KCNIP1: variants seen among roughly 807,000 people sequenced by gnomAD.
KCNIP1 encodes A-type potassium channel modulatory protein KCNIP1.
Under a neutral mutation model 33.0 loss-of-function variants are expected in KCNIP1, and 18 were observed. That is an observed-to-expected ratio of 0.55 (90% CI 0.38 to 0.81). The LOEUF is 0.81. Ranked by LOEUF, KCNIP1 falls within the 30% of genes least tolerant of loss-of-function variation. The pLI is 0.00. For synonymous variants in KCNIP1, 93 were observed against 98.3 expected (o/e 0.95, Z 0.32); for missense variants, 238 against 271.6 (o/e 0.88, Z 0.87).
At chr5:170,509,600 G>A (rs916349325) in intron 1 of KCNIP1, among the ~76,000 whole-genome samples, 1 of 152,198 alleles carries the variant, frequency 6.6e-6, no homozygotes, top group Non-Finnish European at 1.5e-5. Context: ...GTGAATGAAT[G>A]AAGCAACAAA....
At chr5:170,700,547 C>A (rs1349570560) in intron 1 of KCNIP1, among the ~76,000 whole-genome samples, 1 of 152,130 alleles carries the variant, frequency 6.6e-6, no homozygotes, top group Non-Finnish European at 1.5e-5. Context: ...CCATTCTAGG[C>A]AACAGAGTGA....
At chr5:170,714,339 G>A (rs1763568106) in intron 1 of KCNIP1, among the ~76,000 whole-genome samples, 1 of 152,172 alleles carries the variant, frequency 6.6e-6, no homozygotes, top group African/African-American at 2.4e-5. Flanking sequence ...ATGATGAAAG[G>A]GGCCTGGACT....
chr5:170,620,467 GC>G (rs922272690), intron 1 of KCNIP1, among the ~76,000 whole-genome samples: 1 of 152,162 alleles, frequency 6.6e-6, no homozygotes, highest in Non-Finnish European at 1.5e-5. Flanking sequence ...AAAAGTAAGG[GC>G]TGGGGCTGCT....
chr5:170,445,376 G>A (rs1479783136), intron 1 of KCNIP1, among the ~76,000 whole-genome samples: 2 of 152,252 alleles, frequency 1.3e-5, no homozygotes, highest in African/African-American at 4.8e-5. Flanking sequence ...TGGAAAAGCA[G>A]AGGGCAAGCC....
chr5:170,656,996 C>CT (rs397999901), intron 1 of KCNIP1, among the ~76,000 whole-genome samples: 38,732 of 108,520 alleles, frequency 0.36, 7,215 homozygotes, highest in East Asian at 0.51. Flanking sequence ...TTCTTTCTTT[C>CT]TTTTTTTTTT....
intron 1 of KCNIP1, among the ~76,000 whole-genome samples, chr5:170,533,292 G>A (rs999922869): frequency 2.6e-5 from 4 of 152,168 alleles, no homozygotes; most frequent in Non-Finnish European, 5.9e-5. Flanking sequence ...TATATTCCCC[G>A]CCTGGGCATA....
intron 1 of KCNIP1, among the ~76,000 whole-genome samples, chr5:170,696,016 C>CAAAAAAAAAAAAAAAA (rs34474795): frequency 1.5e-3 from 143 of 93,876 alleles, no homozygotes; most frequent in African/African-American, 3.9e-3. Context: ...GACTCTGTCT[C>CAAAAAAAAAAAAAAAA]AAAAAAAAAA....
At chr5:170,474,227 A>C (rs894347503) in intron 1 of KCNIP1, among the ~76,000 whole-genome samples, 1 of 152,140 alleles carries the variant, frequency 6.6e-6, no homozygotes, top group Admixed American at 6.5e-5. Flanking sequence ...ATAACGAGAC[A>C]ACCTTTACTT....
At chr5:170,464,497 C>A (rs1372211674) in intron 1 of KCNIP1, among the ~76,000 whole-genome samples, 1 of 152,176 alleles carries the variant, frequency 6.6e-6, no homozygotes, top group Non-Finnish European at 1.5e-5. Flanking sequence ...AATCTTACTT[C>A]AAAGCTATGG....
chr5:170,635,185 A>G (rs1760232795), intron 1 of KCNIP1, among the ~76,000 whole-genome samples: 1 of 152,042 alleles, frequency 6.6e-6, no homozygotes, highest in Non-Finnish European at 1.5e-5. Flanking sequence ...ACCCACCACC[A>G]CACCCAGCTA....
chr5:170,562,561 G>C (rs1757069509), intron 1 of KCNIP1, among the ~76,000 whole-genome samples: 1 of 152,158 alleles, frequency 6.6e-6, no homozygotes, highest in Non-Finnish European at 1.5e-5. Context: ...AAAGCTCAGT[G>C]GGTCCCCGCA....
At chr5:170,397,544 G>C (rs372317318) in intron 1 of KCNIP1, among the ~76,000 whole-genome samples, 3 of 152,180 alleles carry the variant, frequency 2.0e-5, no homozygotes, top group African/African-American at 7.2e-5. Context: ...AGGTATGTAG[G>C]TAGGGACTCT....
chr5:170,592,308 T>C (rs1758292208), intron 1 of KCNIP1, among the ~76,000 whole-genome samples: 1 of 152,204 alleles, frequency 6.6e-6, no homozygotes, highest in Non-Finnish European at 1.5e-5. Flanking sequence ...ACTCATACTT[T>C]TGTAAATAGT....
chr5:170,435,228 C>T (rs1207057390), intron 1 of KCNIP1, among the ~76,000 whole-genome samples: 1 of 152,216 alleles, frequency 6.6e-6, no homozygotes, highest in Non-Finnish European at 1.5e-5. Context: ...AATTTTGCTA[C>T]AACGTGTAGC....
At chr5:170,509,969 T>C (rs1581255242) in intron 1 of KCNIP1, among the ~76,000 whole-genome samples, 1 of 152,220 alleles carries the variant, frequency 6.6e-6, no homozygotes, top group African/African-American at 2.4e-5. Context: ...GATCAGAATC[T>C]GTATATTTAT....
At chr5:170,697,593 C>A (rs1470871757) in intron 1 of KCNIP1, among the ~76,000 whole-genome samples, 1 of 152,162 alleles carries the variant, frequency 6.6e-6, no homozygotes, top group East Asian at 1.9e-4. Flanking sequence ...TAGGAAACGT[C>A]CAAGGAGGCA....
chr5:170,633,745 C>A (rs868710019), intron 1 of KCNIP1, among the ~76,000 whole-genome samples: 2 of 31,054 alleles, frequency 6.4e-5, no homozygotes, highest in South Asian at 1.8e-3. Context: ...GAGGGGGGGG[C>A]GGGGGGCGGG....
At chr5:170,713,002 T>C in intron 1 of KCNIP1, 2 of 847,694 alleles carry the variant, frequency 2.4e-6, no homozygotes, top group Non-Finnish European at 4.1e-6. Flanking sequence ...TCTGTGTCCT[T>C]TGTTAACAAG....
chr5:170,497,905 C>A (rs1270358976), intron 1 of KCNIP1, among the ~76,000 whole-genome samples: 1 of 152,228 alleles, frequency 6.6e-6, no homozygotes, highest in Non-Finnish European at 1.5e-5. Context: ...AGCGCAGAAG[C>A]GTGCAGGGGG....
Sources: gnomAD v4.1 joint callset for allele counts (sites outside exome capture counted in the v4.1 genomes callset) on GRCh38, gnomAD v4.1.1 for gene constraint, MANE v1.5 for transcripts, NCBI Gene and HGNC (gene_info 2026-07-23, HGNC 2026-07-21) for gene names.